The following RPS6KA3 variants were observed in gnomAD, a reference collection of about 807,000 sequenced individuals.
The protein encoded by RPS6KA3 is ribosomal protein S6 kinase A3.
Under a neutral mutation model 67.2 loss-of-function variants are expected in RPS6KA3, and 4 were observed. That is an observed-to-expected ratio of 0.06 (90% confidence interval 0.03 to 0.14). RPS6KA3 has a LOEUF of 0.14. RPS6KA3 is among the 10% of genes least tolerant of loss of function. The pLI is 1.00. For missense variants in RPS6KA3, 204 were observed against 559.0 expected (o/e 0.36, Z 6.40); for synonymous variants, 182 against 183.7 (o/e 0.99, Z 0.07).
At chrX:20,194,915 G>A in intron 5 of RPS6KA3, 150 bp downstream of exon 5, 2 of 346,929 alleles carry the variant, frequency 5.8e-6, no homozygotes, top group Non-Finnish European at 1.0e-5. Flanking sequence ...GTTTGTCTAA[G>A]AAATAATGGC....
chrX:20,161,575 G>A (rs2067304846), intron 20 of RPS6KA3, 69 bp downstream of exon 20: 1 of 475,688 alleles, frequency 2.1e-6, no homozygotes, highest in Non-Finnish European at 3.6e-6. Flanking sequence ...CTAACTGGTA[G>A]TATTTCTTCT....
At position 20,176,068 on chromosome X, in the gene RPS6KA3, A is replaced by G. The variant is rs1248621445; in HGVS notation, c.1102+182T>C. 2.7e-5 allele frequency among the ~76,000 whole-genome samples: 3 copies of G among 111,145 alleles called. No homozygotes were observed. In the Admixed American group the frequency reaches 2.9e-4, roughly 11 times the overall value. On this transcript the variant is annotated intron_variant, in intron 13 of 21. Coordinates refer to ENST00000379565, the MANE Select transcript of RPS6KA3 (RefSeq NM_004586.3). ...GTATTTTTAGTAGAGACAGCGTTTCACTATGTTGGCCAAGCTGGTCTCCAA... is the reference window on the plus strand; with the variant it reads ...GTATTTTTAGTAGAGACAGCGTTTCGCTATGTTGGCCAAGCTGGTCTCCAA...
intron 4 of RPS6KA3, among the ~76,000 whole-genome samples, chrX:20,201,976 CTTTTT>C (rs1282039865): frequency 1.2e-5 from 1 of 82,761 alleles, no homozygotes; most frequent in Non-Finnish European, 2.5e-5. Context: ...TTTCTTTTTT[CTTTTT>C]TTTTTTTTTT....
At chrX:20,263,252 C>T (rs929550620) in intron 1 of RPS6KA3, among the ~76,000 whole-genome samples, 3 of 111,799 alleles carry the variant, frequency 2.7e-5, no homozygotes, top group African/African-American at 9.8e-5. Flanking sequence ...CACTCTAGGT[C>T]AGGCTTATGA....
Position 20,150,627 on chromosome X carries a change from A to G in RPS6KA3, c.*4771T>C, listed in dbSNP as rs185124420. 25 of 112,682 alleles carry G rather than the reference A, an allele frequency of 2.2e-4. No individual in the cohort carries two copies. The Middle Eastern group carries it at 0.014, about 62-fold the overall frequency. 9.3% of individuals were successfully genotyped at this position (112,682 alleles called of 1,213,427 possible). ...AGTTCTATTTTAAATACTTGTTTGA[A>G]AAACTCATTATACAGTTCATTCAGT... is the stretch of plus-strand genomic sequence containing the variant. On this transcript the variant is annotated 3_prime_UTR_variant, in exon 22 of 22. Transcript: ENST00000379565.
intron 4 of RPS6KA3, 58 bp downstream of exon 4, chrX:20,203,964 T>C (rs1320051177): frequency 1.3e-5 from 11 of 870,411 alleles, no homozygotes; most frequent in Non-Finnish European, 1.7e-5. Context: ...ATGAGCTCTA[T>C]TGAGACCTTT....
intron 3 of RPS6KA3, among the ~76,000 whole-genome samples, chrX:20,204,393 A>C (rs372963201): frequency 1.8e-5 from 2 of 112,236 alleles, no homozygotes; most frequent in East Asian, 5.6e-4. Flanking sequence ...TGTATGAATT[A>C]GATGGAAAAA....
intron 2 of RPS6KA3, chrX:20,218,764 C>A: frequency 1.0e-6 from 1 of 972,206 alleles, no homozygotes; most frequent in Non-Finnish European, 1.4e-6. Context: ...CCAACTAAAA[C>A]ATTTTATTCT....
chrX:20,228,251 T>C (rs185311658), intron 2 of RPS6KA3, among the ~76,000 whole-genome samples: 3 of 112,200 alleles, frequency 2.7e-5, no homozygotes, highest in African/African-American at 9.7e-5. Flanking sequence ...TCCATAAATA[T>C]TTGCGTGAGG....
At position 20,222,309 on chromosome X, in the gene RPS6KA3, T is replaced by C. The variant is rs141302720; in HGVS notation, c.126+12449A>G. Among the ~76,000 whole-genome samples the C allele has an allele frequency of 2.2e-3, 251 of 111,949 alleles. 3 individuals carry two copies. The highest frequency in any genetic ancestry group is 9.2e-3 in the Middle Eastern group (2 of 218). ...TGAAGAGGTTTAGGGCCATATTAAG[T>C]GAGGCCTTAGACCCAAGAAATTTGG... is the stretch of plus-strand genomic sequence containing the variant. On this transcript the variant is annotated intron_variant, in intron 2 of 21. Transcript: ENST00000379565.
chrX:20,266,979 A>G, upstream of RPS6KA3: 1 of 748,685 alleles, frequency 1.3e-6, no homozygotes, highest in Non-Finnish European at 1.6e-6. Context: ...CGCTCCCAGC[A>G]GAACAGCGAC....
Position 20,175,161 on chromosome X carries a change from C to T in RPS6KA3, c.1227+3G>A, listed in dbSNP as rs748259643. 8.3e-7 allele frequency: 1 copy of T among 1,203,742 alleles called. No homozygotes were observed. The highest frequency in any genetic ancestry group is 1.1e-6 in the Non-Finnish European group (1 of 888,097). ...ATCTAAAATTATTTAGACATCCACT[C>T]ACCTGAACAATTGAATGTACACCAA... is the stretch of plus-strand genomic sequence containing the variant. On this transcript the variant is annotated splice_donor_region_variant and intron_variant, in intron 14 of 21. Transcript: ENST00000379565.
chrX:20,260,539 T>C (rs771549691), intron 1 of RPS6KA3, among the ~76,000 whole-genome samples: 1 of 111,747 alleles, frequency 8.9e-6, no homozygotes, highest in South Asian at 3.7e-4. Flanking sequence ...CTGTTCCCCT[T>C]GCCCTTTCAA....
In RPS6KA3 at chrX:20,187,918, A is replaced by G; in HGVS notation, c.684T>C (p.Phe228=). ...SIDHEKKAYS[F]CGTVEYMAPE... is the part of the protein sequence containing the mutation. ...GAGCCATATACTCCACAGTTCCACA[A>G]AAAGAATATGCCTTCTTTTCATGGT... The change falls in exon 9 of 22, where the codon TTT becomes TTC. Residue 228 remains phenylalanine, a synonymous_variant. Coordinates refer to ENST00000379565, the MANE Select transcript of RPS6KA3 (RefSeq NM_004586.3). 2 of 1,206,177 alleles carry G rather than the reference A, an allele frequency of 1.7e-6. No individual in the cohort carries two copies. Among genetic ancestry groups the G allele is most frequent in the Non-Finnish European group, 2.2e-6 (2 of 890,371 alleles).
chrX:20,168,615 G>A (rs1417098133), intron 16 of RPS6KA3, among the ~76,000 whole-genome samples: 2 of 111,211 alleles, frequency 1.8e-5, no homozygotes, highest in South Asian at 3.8e-4. Context: ...TCTGGAGAGT[G>A]AGACTAGTCA....
At chrX:20,196,316 C>T (rs1163524954) in intron 4 of RPS6KA3, among the ~76,000 whole-genome samples, 1 of 113,197 alleles carries the variant, frequency 8.8e-6, no homozygotes, top group Non-Finnish European at 1.9e-5. Context: ...GTGAGCAAAG[C>T]TCTTTTTCAG....
intron 10 of RPS6KA3, among the ~76,000 whole-genome samples, chrX:20,183,450 G>A (rs1191418204): frequency 9.0e-6 from 1 of 111,313 alleles, no homozygotes; most frequent in African/African-American, 3.3e-5. Context: ...TTACAGGTGT[G>A]AGCCACCACT....
chrX:20,193,711 C>G (rs1352863864), intron 6 of RPS6KA3, 118 bp from the exon 7 acceptor site: 1 of 461,506 alleles, frequency 2.2e-6, no homozygotes, highest in Non-Finnish European at 3.7e-6. Context: ...TTATACATAG[C>G]TTTGTTTACA....
rs184020597 is a variant in RPS6KA3, at chrX:20,227,930, G to C, written c.126+6828C>G. Among the ~76,000 whole-genome samples, 57 of 110,811 alleles carry C rather than the reference G, an allele frequency of 5.1e-4. 1 individual carries two copies. In the East Asian group the frequency reaches 9.6e-3, roughly 19 times the overall value. On this transcript the variant is annotated intron_variant, in intron 2 of 21. Coordinates refer to ENST00000379565, the MANE Select transcript of RPS6KA3 (RefSeq NM_004586.3). ...TGGAATTCCTATTAGTTAGATGTTA[G>C]ATTGCTCTTCTTTCTTTTTCTCTCC...
Sources: allele counts gnomAD v4.1 joint callset (sites outside exome capture counted in the v4.1 genomes callset), GRCh38; gene constraint gnomAD v4.1.1; transcripts MANE v1.5; gene names NCBI Gene and HGNC (gene_info 2026-07-23, HGNC 2026-07-21).